Variants in PRRG1 observed in about 807,000 individuals in gnomAD.
PRRG1 encodes proline rich and Gla domain 1, also known as transmembrane gamma-carboxyglutamic acid protein 1.
Under a neutral mutation model 11.8 loss-of-function variants are expected in PRRG1, and 5 were observed. The observed-to-expected ratio is 0.42, with a 90% CI of 0.22 to 0.89. The LOEUF (loss-of-function observed/expected upper bound fraction) is 0.89, where lower values mean the gene tolerates loss of function less well. Ranked by LOEUF, PRRG1 falls within the 40% of genes least tolerant of loss-of-function variation. The pLI is 0.28. For synonymous variants in PRRG1, 66 were observed against 60.4 expected (o/e 1.09, Z -0.43); for missense variants, 155 against 166.1 (o/e 0.93, Z 0.37).
intron 2 of PRRG1, among the ~76,000 whole-genome samples, chrX:37,422,947 GA>G (rs200085452): frequency 8.4e-4 from 93 of 110,581 alleles, no homozygotes; most frequent in Middle Eastern, 4.7e-3. Flanking sequence ...TTCTACTTAT[GA>G]AAAAAAATTA....
intron 1 of PRRG1, among the ~76,000 whole-genome samples, chrX:37,383,126 C>T (rs1427226671): frequency 1.8e-5 from 2 of 112,007 alleles, no homozygotes; most frequent in African/African-American, 6.5e-5. Context: ...GCTACTTCTG[C>T]AGGAAAAGAT....
rs368449406 is a variant in PRRG1 at position 37,425,894 on chromosome X, A to G, written c.65A>G (p.Asn22Ser). ...NSILKRYPRA[N>S]GFFEEIRQGN... is the part of the protein sequence containing the mutation. ...ATATTAAAACGCTACCCAAGAGCTA[A>G]TGGGTTTTTTGAAGAAATAAGACAG... The change falls in exon 3 of 4, where the codon AAT becomes AGT. Residue 22 changes from asparagine (N) to serine (S), a missense_variant. Physicochemically the swap from Asn to Ser is conservative, Grantham distance 46 (BLOSUM62 1). Coordinates refer to ENST00000378628, the MANE Select transcript of PRRG1 (RefSeq NM_001142395.2). 21 of 1,203,691 alleles carry G rather than the reference A, an allele frequency of 1.7e-5. No homozygotes were observed. Among genetic ancestry groups the G allele is most frequent in the Non-Finnish European group, 2.2e-6 (2 of 890,820 alleles).
intron 1 of PRRG1, among the ~76,000 whole-genome samples, chrX:37,371,101 A>C (rs782054036): frequency 4.6e-4 from 51 of 111,631 alleles, no homozygotes; most frequent in African/African-American, 1.6e-3. Context: ...GTGGGAACTT[A>C]TGGTGCTTTT....
chrX:37,393,746 G>T (rs1451815553), intron 1 of PRRG1, among the ~76,000 whole-genome samples: 1 of 112,092 alleles, frequency 8.9e-6, no homozygotes, highest in Non-Finnish European at 1.9e-5. Context: ...CTCTATTAGG[G>T]CAGGGATCGC....
intron 3 of PRRG1, among the ~76,000 whole-genome samples, chrX:37,452,575 G>A (rs782031119): frequency 6.2e-5 from 7 of 112,021 alleles, no homozygotes; most frequent in Non-Finnish European, 1.3e-4. Context: ...TTGACCTTCA[G>A]TCAACATCTG....
At chrX:37,393,601 G>A (rs5964312) in intron 1 of PRRG1, among the ~76,000 whole-genome samples, 32,650 of 110,440 alleles carry the variant, frequency 0.3, 7,067 homozygotes, top group African/African-American at 0.77. Flanking sequence ...TGATTTGACT[G>A]TTTGTCTTTG....
At chrX:37,399,879 CAAAG>C (rs1333116006) in intron 1 of PRRG1, among the ~76,000 whole-genome samples, 7 of 109,335 alleles carry the variant, frequency 6.4e-5, no homozygotes, top group African/African-American at 1.7e-4. Context: ...TCAAAAGAGA[CAAAG>C]AAGGCCATTA....
chrX:37,399,602 T>C (rs1260652880), intron 1 of PRRG1, among the ~76,000 whole-genome samples: 2 of 101,878 alleles, frequency 2.0e-5, no homozygotes, highest in Non-Finnish European at 4.0e-5. Context: ...GCTAACATCA[T>C]AATGACAGGA....
intron 3 of PRRG1, chrX:37,441,249 A>G: frequency 2.6e-6 from 2 of 769,978 alleles, no homozygotes; most frequent in Non-Finnish European, 3.1e-6. Flanking sequence ...GGGACCAATT[A>G]GGGGATAAGA....
At chrX:37,436,610 C>T (rs1445424482) in intron 3 of PRRG1, among the ~76,000 whole-genome samples, 1 of 111,914 alleles carries the variant, frequency 8.9e-6, no homozygotes, top group Non-Finnish European at 1.9e-5. Context: ...GCAGAAAGTC[C>T]GATTCTTTGG....
chrX:37,381,559 ACCCCT>A (rs1335594672), intron 1 of PRRG1, among the ~76,000 whole-genome samples: 1 of 111,001 alleles, frequency 9.0e-6, no homozygotes, highest in Non-Finnish European at 1.9e-5. Context: ...TAGGAGGTTT[ACCCCT>A]TACTTTGTCA....
At chrX:37,446,864 C>A (rs782145284) in intron 3 of PRRG1, among the ~76,000 whole-genome samples, 1 of 110,510 alleles carries the variant, frequency 9.0e-6, no homozygotes, top group Non-Finnish European at 1.9e-5. Context: ...TCCACTCTCT[C>A]GGAAACTAAT....
At chrX:37,362,977 T>C (rs1569435039) in intron 1 of PRRG1, among the ~76,000 whole-genome samples, 1 of 112,166 alleles carries the variant, frequency 8.9e-6, no homozygotes. Context: ...GCCCAAATTA[T>C]TTTTTCCTCT....
intron 1 of PRRG1, among the ~76,000 whole-genome samples, chrX:37,387,692 A>G (rs1931376986): frequency 9.0e-6 from 1 of 111,427 alleles, no homozygotes; most frequent in Admixed American, 9.5e-5. Flanking sequence ...CACCTCCTTG[A>G]TTGTGAGATT....
At chrX:37,433,087 A>G (rs1456202091) in intron 3 of PRRG1, among the ~76,000 whole-genome samples, 2 of 110,742 alleles carry the variant, frequency 1.8e-5, no homozygotes, top group Middle Eastern at 4.6e-3. Flanking sequence ...AGCCACCACA[A>G]CCCTCTCATC....
intron 1 of PRRG1, among the ~76,000 whole-genome samples, chrX:37,363,217 A>G (rs1930467780): frequency 8.9e-6 from 1 of 112,155 alleles, no homozygotes; most frequent in African/African-American, 3.2e-5. Flanking sequence ...GAAATATCAA[A>G]TCAGGTTTCT....
intron 1 of PRRG1, among the ~76,000 whole-genome samples, chrX:37,358,784 C>T (rs933155974): frequency 9.0e-5 from 10 of 111,256 alleles, no homozygotes; most frequent in African/African-American, 3.3e-4. Context: ...TGGGGTTGCA[C>T]TGAATTCGTA....
intron 1 of PRRG1, among the ~76,000 whole-genome samples, chrX:37,367,898 C>T (rs1930631731): frequency 8.9e-6 from 1 of 112,511 alleles, no homozygotes; most frequent in African/African-American, 3.2e-5. Flanking sequence ...TATCTTTTTC[C>T]TGCTGCTTTT....
At chrX:37,364,038 A>AG (rs782526357) in intron 1 of PRRG1, among the ~76,000 whole-genome samples, 26 of 111,199 alleles carry the variant, frequency 2.3e-4, no homozygotes, top group Non-Finnish European at 4.7e-4. Context: ...TAAATAGTGA[A>AG]GGAGGCCCTG....
Sources: allele counts gnomAD v4.1 joint callset (sites outside exome capture counted in the v4.1 genomes callset), GRCh38; gene constraint gnomAD v4.1.1; transcripts MANE v1.5; gene names NCBI Gene and HGNC (gene_info 2026-07-23, HGNC 2026-07-21).